The following ADAMTS3 variants were observed in gnomAD, a reference collection of about 807,000 sequenced individuals.
ADAMTS3 encodes A disintegrin and metalloproteinase with thrombospondin motifs 3.
Under a neutral mutation model 129.0 loss-of-function variants are expected in ADAMTS3, and 73 were observed. The observed-to-expected ratio is 0.57, with a 90% CI of 0.47 to 0.69. ADAMTS3 has a LOEUF of 0.69. ADAMTS3 is among the 30% of genes least tolerant of loss of function. ADAMTS3 has a pLI of 0.00. For synonymous variants in ADAMTS3, 477 were observed against 510.8 expected (o/e 0.93, Z 0.89); for missense variants, 1,457 against 1,514.5 (o/e 0.96, Z 0.63).
At chr4:72,356,513 T>C (rs1218152072) in intron 4 of ADAMTS3, among the ~76,000 whole-genome samples, 1 of 151,822 alleles carries the variant, frequency 6.6e-6, no homozygotes, top group Non-Finnish European at 1.5e-5. Flanking sequence ...TTCACAGTCT[T>C]CCATAGACAC....
intron 3 of ADAMTS3, among the ~76,000 whole-genome samples, chr4:72,544,503 C>G (rs1401110265): frequency 2.0e-5 from 3 of 152,114 alleles, no homozygotes; most frequent in Admixed American, 1.3e-4. Context: ...TAACTTGGAT[C>G]AGGATTCCTA....
intron 2 of ADAMTS3, among the ~76,000 whole-genome samples, chr4:72,561,431 G>A (rs757254549): frequency 1.3e-5 from 2 of 152,040 alleles, no homozygotes; most frequent in Non-Finnish European, 2.9e-5. Flanking sequence ...CCTGAGCTGG[G>A]GAGATCAAGG....
At chr4:72,361,834 T>C (rs1720735949) in intron 4 of ADAMTS3, among the ~76,000 whole-genome samples, 1 of 152,032 alleles carries the variant, frequency 6.6e-6, no homozygotes, top group African/African-American at 2.4e-5. Flanking sequence ...CTGTACAGCC[T>C]CCTACAATTA....
At chr4:72,424,791 A>G (rs1722529604) in intron 3 of ADAMTS3, among the ~76,000 whole-genome samples, 2 of 152,122 alleles carry the variant, frequency 1.3e-5, no homozygotes, top group South Asian at 2.1e-4. Context: ...CTACATAACT[A>G]ATCAGTATCT....
At chr4:72,441,962 C>CAA (rs1219260358) in intron 3 of ADAMTS3, 1 of 151,766 alleles carries the variant, frequency 6.6e-6, no homozygotes, top group Non-Finnish European at 1.5e-5. Context: ...ATGACTGCTG[C>CAA]AACTCCAGCC....
chr4:72,310,906 A>G, intron 14 of ADAMTS3, 142 bp downstream of exon 14: 2 of 699,640 alleles, frequency 2.9e-6, no homozygotes, highest in Admixed American at 7.0e-5. Flanking sequence ...TCTCAAATTT[A>G]TTTTAGCTAT....
intron 3 of ADAMTS3, among the ~76,000 whole-genome samples, chr4:72,530,057 A>ATATATTATATAT (rs1720952039): frequency 9.0e-4 from 1 of 1,116 alleles, no homozygotes; most frequent in Non-Finnish European, 1.4e-3. Context: ...TTTATATATA[A>ATATATTATATAT]TATGTTATAT....
At chr4:72,319,538 T>A in intron 8 of ADAMTS3, 63 bp from the exon 9 acceptor site, 1 of 1,541,110 alleles carries the variant, frequency 6.5e-7, no homozygotes, top group Non-Finnish European at 8.7e-7. Flanking sequence ...TAATTTTGGT[T>A]TTGAAAATAA....
Position 72,413,663 on chromosome 4 carries a change from T to C in ADAMTS3, c.661+1152A>G, listed in dbSNP as rs1036791109. Among the ~76,000 whole-genome samples, 7 of 151,898 alleles carry C rather than the reference T, an allele frequency of 4.6e-5. 1 individual carries two copies. The highest frequency in any genetic ancestry group is 1.4e-4 in the African/African-American group (6 of 41,406). On this transcript the variant is annotated intron_variant, in intron 4 of 21. Transcript: ENST00000286657. Reference sequence around the variant, plus strand: ...ATCTAATATTATTACAACTGTGCAATATATATTACTTCTTTTTTCATTAAA... The same window carrying C: ...ATCTAATATTATTACAACTGTGCAACATATATTACTTCTTTTTTCATTAAA...
Position 72,370,378 on chromosome 4 carries a change from T to C in ADAMTS3, c.662-30685A>G, listed in dbSNP as rs1444285278. ...TTTGCTTATTATATCATTTGCTTATTATATCAATTTGCTTATTACATTAAT... is the reference window on the plus strand; with the variant it reads ...TTTGCTTATTATATCATTTGCTTATCATATCAATTTGCTTATTACATTAAT... On this transcript the variant is annotated intron_variant, in intron 4 of 21. Transcript: ENST00000286657. 2.7e-5 allele frequency among the ~76,000 whole-genome samples: 4 copies of C among 145,682 alleles called. No individual in the cohort carries two copies. In the Admixed American group the frequency reaches 2.8e-4, roughly 10 times the overall value.
At chr4:72,319,608 G>A (rs766063782) in intron 8 of ADAMTS3, 133 bp from the exon 9 acceptor site, 7 of 1,094,714 alleles carry the variant, frequency 6.4e-6, no homozygotes, top group South Asian at 1.7e-5. Flanking sequence ...TCACAGAAAC[G>A]GAAATTGACA....
rs77481795 is a variant in ADAMTS3 at position 72,414,548 on chromosome 4, G to A, written c.661+267C>T. Among the ~76,000 whole-genome samples, 383 of 151,882 alleles carry A rather than the reference G, an allele frequency of 2.5e-3. 4 individuals are homozygous for A. In the East Asian group the frequency reaches 0.041, roughly 16 times the overall value. On this transcript the variant is annotated intron_variant, in intron 4 of 21. Coordinates refer to ENST00000286657, the MANE Select transcript of ADAMTS3 (RefSeq NM_014243.3). ...CAAAGATTTTCAAATTTTAACATAAGCTAGAGAACCAATAGTTTTAATATA... is the reference window on the plus strand; with the variant it reads ...CAAAGATTTTCAAATTTTAACATAAACTAGAGAACCAATAGTTTTAATATA...
At position 72,417,932 on chromosome 4, in the gene ADAMTS3, CA is replaced by C. The variant is rs71215429; in HGVS notation, c.505-2962del. ...TGGGCGACAGAGGGAGACTCCATCT[CA>C]AAAAAAAAAAAGTAAGTACTTTATA... On this transcript the variant is annotated intron_variant, in intron 3 of 21. Coordinates refer to ENST00000286657, the MANE Select transcript of ADAMTS3 (RefSeq NM_014243.3). 9.3e-4 allele frequency among the ~76,000 whole-genome samples: 112 copies of C among 120,272 alleles called. 3 individuals are homozygous for C. In the South Asian group the frequency reaches 0.018, roughly 19 times the overall value. The allele number at this position is 120,272 out of a possible 152,430, so 78.9% of individuals were successfully genotyped here.
chr4:72,523,221 A>G (rs553439881), intron 3 of ADAMTS3, among the ~76,000 whole-genome samples: 2 of 152,234 alleles, frequency 1.3e-5, no homozygotes, highest in South Asian at 2.1e-4. Context: ...TTCAATGTCC[A>G]GTAAATTTCG....
chr4:72,548,911 A>G, intron 2 of ADAMTS3, 27 bp from the exon 3 acceptor site: 1 of 1,583,438 alleles, frequency 6.3e-7, no homozygotes, highest in East Asian at 2.2e-5. Flanking sequence ...AGAACTGTCA[A>G]ACCCTGTACA....
intron 4 of ADAMTS3, among the ~76,000 whole-genome samples, chr4:72,380,237 G>A (rs1721252339): frequency 6.6e-6 from 1 of 152,064 alleles, no homozygotes; most frequent in East Asian, 1.9e-4. Context: ...TTTCCTGGCT[G>A]TGGTACAAGA....
chr4:72,310,195 T>C (rs902118166), intron 14 of ADAMTS3, among the ~76,000 whole-genome samples: 3 of 152,070 alleles, frequency 2.0e-5, no homozygotes, highest in Admixed American at 6.6e-5. Flanking sequence ...CATTTTCCCT[T>C]GAAACAGGAA....
chr4:72,502,797 G>A (rs1317654082), intron 3 of ADAMTS3, among the ~76,000 whole-genome samples: 1 of 151,956 alleles, frequency 6.6e-6, no homozygotes, highest in Non-Finnish European at 1.5e-5. Context: ...GTATACACTT[G>A]CCATTGAGGT....
chr4:72,428,511 C>T (rs554876658), intron 3 of ADAMTS3, among the ~76,000 whole-genome samples: 5 of 152,148 alleles, frequency 3.3e-5, no homozygotes, highest in South Asian at 2.1e-4. Context: ...ATTTTATTAA[C>T]CTAGTCAATT....
Sources: gnomAD v4.1 joint callset for allele counts (sites outside exome capture counted in the v4.1 genomes callset) on GRCh38, gnomAD v4.1.1 for gene constraint, MANE v1.5 for transcripts, NCBI Gene and HGNC (gene_info 2026-07-23, HGNC 2026-07-21) for gene names.